Variants in CDC42BPA observed in about 807,000 individuals in gnomAD.
The protein encoded by CDC42BPA is serine/threonine-protein kinase MRCK alpha.
A neutral mutation model predicts 223.5 loss-of-function variants in CDC42BPA; 80 were observed. The observed-to-expected ratio is 0.36, with a 90% CI of 0.30 to 0.43. CDC42BPA has a LOEUF of 0.43. Ranked by LOEUF, CDC42BPA falls within the 20% of genes least tolerant of loss-of-function variation. The pLI, the probability that CDC42BPA is intolerant of heterozygous loss-of-function variation, is 1.00. For missense variants in CDC42BPA, 1,743 were observed against 2,099.9 expected (o/e 0.83, Z 3.32); for synonymous variants, 694 against 718.6 (o/e 0.97, Z 0.55).
chr1:227,286,809 A>C (rs1410638759), intron 1 of CDC42BPA, among the ~76,000 whole-genome samples: 2 of 152,202 alleles, frequency 1.3e-5, no homozygotes, highest in African/African-American at 2.4e-5. Flanking sequence ...GGGCTTCAAG[A>C]AGCTTTCATT....
intron 2 of CDC42BPA, among the ~76,000 whole-genome samples, chr1:227,247,830 C>T (rs184698477): frequency 1.3e-5 from 2 of 150,340 alleles, no homozygotes; most frequent in Admixed American, 1.3e-4. Flanking sequence ...TGCAGTGAGC[C>T]GAGATCACAC....
intron 34 of CDC42BPA, chr1:227,011,048 G>A: frequency 7.4e-7 from 1 of 1,344,062 alleles, no homozygotes. Context: ...TGAGGGGATG[G>A]ATAAGGGAAA....
intron 23 of CDC42BPA, among the ~76,000 whole-genome samples, chr1:227,047,243 ACTT>A (rs1262785327): frequency 1.3e-5 from 2 of 152,132 alleles, no homozygotes; most frequent in Non-Finnish European, 2.9e-5. Flanking sequence ...TTACCAACAT[ACTT>A]CTTATCTCTT....
At chr1:227,163,561 A>T (rs1003043375) in intron 5 of CDC42BPA, among the ~76,000 whole-genome samples, 1 of 152,004 alleles carries the variant, frequency 6.6e-6, no homozygotes, top group South Asian at 2.1e-4. Context: ...CCTCTTCTAT[A>T]AAATGCCTGT....
intron 5 of CDC42BPA, chr1:227,178,434 TG>T (rs1385104897): frequency 9.8e-5 from 15 of 153,092 alleles, no homozygotes; most frequent in African/African-American, 3.6e-4. Context: ...CACGTGGAAC[TG>T]TAAGTCCAAT....
At chr1:227,169,844 G>A (rs941598475) in intron 5 of CDC42BPA, among the ~76,000 whole-genome samples, 28 of 152,108 alleles carry the variant, frequency 1.8e-4, no homozygotes, top group African/African-American at 6.5e-4. Flanking sequence ...TTCTGTGAGG[G>A]CCGTAGCCCA....
intron 12 of CDC42BPA, among the ~76,000 whole-genome samples, chr1:227,117,206 T>C (rs1171843495): frequency 2.6e-5 from 4 of 152,234 alleles, no homozygotes; most frequent in Non-Finnish European, 5.9e-5. Flanking sequence ...ATCCGTTCTA[T>C]TCTGGAAATC....
chr1:227,059,390 C>T, intron 21 of CDC42BPA: 1 of 1,563,986 alleles, frequency 6.4e-7, no homozygotes, highest in Non-Finnish European at 8.7e-7. Flanking sequence ...CCTTTGCTAG[C>T]TGGAGTACAG....
chr1:227,265,329 C>A, intron 1 of CDC42BPA: 1 of 388,252 alleles, frequency 2.6e-6, no homozygotes, highest in South Asian at 3.1e-5. Context: ...GTACCTATAC[C>A]TCATAACCCT....
chr1:227,240,070 A>C (rs939643579), intron 2 of CDC42BPA, among the ~76,000 whole-genome samples: 4 of 152,140 alleles, frequency 2.6e-5, no homozygotes, highest in Admixed American at 1.3e-4. Context: ...CTAAAAAATA[A>C]ATGACTTTAG....
In CDC42BPA at chr1:227,040,120, T is replaced by C. The variant is rs770135698; in HGVS notation, c.3199+11A>G. 9 of 1,483,024 alleles carry C rather than the reference T, an allele frequency of 6.1e-6. No individual in the cohort carries two copies. Among genetic ancestry groups the C allele is most frequent in the Non-Finnish European group, 7.5e-6 (8 of 1,060,810 alleles). 91.9% of individuals were successfully genotyped at this position (1,483,024 alleles called of 1,614,324 possible). On this transcript the variant is annotated intron_variant, in intron 24 of 36. Coordinates refer to ENST00000366766, the MANE Select transcript of CDC42BPA (RefSeq NM_001394014.1). Reference sequence around the variant, plus strand: ...TAGTGAAGTCACATTTTCTTTCCTTTGTGTTCTTACCTTCACATGAACAGC... The same window carrying C: ...TAGTGAAGTCACATTTTCTTTCCTTCGTGTTCTTACCTTCACATGAACAGC...
intron 1 of CDC42BPA, among the ~76,000 whole-genome samples, chr1:227,278,638 C>T (rs774888542): frequency 2.0e-5 from 3 of 152,080 alleles, no homozygotes; most frequent in African/African-American, 7.2e-5. Flanking sequence ...AGAAGTAAAC[C>T]ATACTCCAAA....
chr1:227,207,072 C>A, intron 3 of CDC42BPA, among the ~76,000 whole-genome samples: 1 of 90,108 alleles, frequency 1.1e-5, no homozygotes, highest in African/African-American at 4.3e-5. Context: ...CTAATGCTAT[C>A]CCTCCCCCCT....
intron 1 of CDC42BPA, among the ~76,000 whole-genome samples, chr1:227,303,258 C>G (rs1361358015): frequency 6.6e-6 from 1 of 152,196 alleles, no homozygotes; most frequent in Non-Finnish European, 1.5e-5. Flanking sequence ...CCTCTGATAT[C>G]TGCATCTCTA....
intron 11 of CDC42BPA, among the ~76,000 whole-genome samples, chr1:227,120,271 T>G (rs1220086594): frequency 6.6e-6 from 1 of 152,160 alleles, no homozygotes; most frequent in Non-Finnish European, 1.5e-5. Context: ...AAGGGCAAGT[T>G]TTACTGCAGT....
At chr1:227,242,944 T>TGTA (rs1680261718) in intron 2 of CDC42BPA, among the ~76,000 whole-genome samples, 1 of 152,180 alleles carries the variant, frequency 6.6e-6, no homozygotes, top group Non-Finnish European at 1.5e-5. Context: ...AATGGTAGAC[T>TGTA]AGATTTTTAA....
intron 5 of CDC42BPA, among the ~76,000 whole-genome samples, chr1:227,175,385 T>C (rs115919833): frequency 0.014 from 2,153 of 151,864 alleles, 54 homozygotes; most frequent in African/African-American, 0.048. Context: ...CTGAGTACAA[T>C]AGAAAAAAAG....
intron 3 of CDC42BPA, among the ~76,000 whole-genome samples, chr1:227,200,566 C>A: frequency 6.7e-6 from 1 of 149,392 alleles, no homozygotes; most frequent in African/African-American, 2.5e-5. Flanking sequence ...CTTCTTTTAA[C>A]TGCTATGGCG....
rs548402921 is a variant in CDC42BPA, at chr1:227,134,635, G to T, written c.1390+4941C>A. On this transcript the variant is annotated intron_variant, in intron 10 of 36. Coordinates refer to ENST00000366766, the MANE Select transcript of CDC42BPA (RefSeq NM_001394014.1). ...TTTATTACATTCCTGGTCATGGGCA[G>T]TACAGCTCCTGGGCTGTTTGATACT... Among the ~76,000 whole-genome samples the T allele has an allele frequency of 3.9e-5, 6 of 152,288 alleles. No individual in the cohort carries two copies. In the South Asian group the frequency reaches 1.2e-3, roughly 32 times the overall value.
Sources: allele counts gnomAD v4.1 joint callset (sites outside exome capture counted in the v4.1 genomes callset), GRCh38; gene constraint gnomAD v4.1.1; transcripts MANE v1.5; gene names NCBI Gene and HGNC (gene_info 2026-07-23, HGNC 2026-07-21).